Variants in BABAM2 observed in about 807,000 individuals in gnomAD.
The protein encoded by BABAM2 is BRISC and BRCA1 A complex member 2, also known as BRISC and BRCA1-A complex member 2.
In BABAM2, 31 loss-of-function variants were observed where a neutral mutation model predicts 54.7. That is an observed-to-expected ratio of 0.57 (90% confidence interval 0.43 to 0.77). The LOEUF is 0.77. Ranked by LOEUF, BABAM2 falls within the 30% of genes least tolerant of loss-of-function variation. The probability of loss-of-function intolerance (pLI) is 0.00; values close to 1 mark genes in which losing one functional copy is unlikely to be tolerated. For missense variants in BABAM2, 364 were observed against 455.8 expected (o/e 0.80, Z 1.83); for synonymous variants, 167 against 162.9 (o/e 1.03, Z -0.19).
At chr2:28,232,281 G>A (rs757652176) in intron 7 of BABAM2, among the ~76,000 whole-genome samples, 1 of 152,140 alleles carries the variant, frequency 6.6e-6, no homozygotes, top group Non-Finnish European at 1.5e-5. Context: ...AAAACCCCAC[G>A]TGGGAGGAAG....
rs78901291 is a variant in BABAM2 at position 27,931,579 on chromosome 2, G to A, written c.205+1671G>A. ...AGTTATATCACCATTATTGGTTCCTGTGTTGGTTACCCTGTAGCTTAAAAA... is the reference window on the plus strand; with the variant it reads ...AGTTATATCACCATTATTGGTTCCTATGTTGGTTACCCTGTAGCTTAAAAA... On this transcript the variant is annotated intron_variant, in intron 3 of 11. Transcript: ENST00000379624. 3.4e-3 allele frequency among the ~76,000 whole-genome samples: 517 copies of A among 152,016 alleles called. 1 individual carries two copies. The highest frequency in any genetic ancestry group is 0.016 in the East Asian group (82 of 5,172).
intron 3 of BABAM2, among the ~76,000 whole-genome samples, chr2:27,987,025 T>A (rs1672446329): frequency 6.6e-6 from 1 of 152,188 alleles, no homozygotes; most frequent in Non-Finnish European, 1.5e-5. Context: ...GTCTTATGTT[T>A]CAAAACAAAA....
chr2:28,092,874 T>C (rs181592185), intron 6 of BABAM2, among the ~76,000 whole-genome samples: 14 of 152,240 alleles, frequency 9.2e-5, no homozygotes, highest in Admixed American at 8.5e-4. Flanking sequence ...TCATGTTTTC[T>C]TTGTCTTCAT....
chr2:28,255,342 C>G (rs1683880028), intron 10 of BABAM2, among the ~76,000 whole-genome samples: 1 of 151,428 alleles, frequency 6.6e-6, no homozygotes, highest in Non-Finnish European at 1.5e-5. Context: ...GGTGCAATCT[C>G]AGCTCACTGC....
chr2:28,318,429 C>A (rs1442360805), intron 11 of BABAM2, among the ~76,000 whole-genome samples: 1 of 152,172 alleles, frequency 6.6e-6, no homozygotes, highest in Non-Finnish European at 1.5e-5. Context: ...GTCTTGGAAG[C>A]TGCAAATATT....
intron 5 of BABAM2, among the ~76,000 whole-genome samples, chr2:28,025,792 T>C (rs1336079287): frequency 6.6e-6 from 1 of 152,196 alleles, no homozygotes; most frequent in African/African-American, 2.4e-5. Context: ...ACTTCTCCAA[T>C]ATCCCAGTCA....
chr2:28,273,076 C>T (rs1390456095), intron 10 of BABAM2, among the ~76,000 whole-genome samples: 10 of 152,166 alleles, frequency 6.6e-5, no homozygotes, highest in Admixed American at 6.5e-4. Context: ...GGAGCTGATA[C>T]GACGTCCCTG....
intron 11 of BABAM2, among the ~76,000 whole-genome samples, chr2:28,320,601 AT>A (rs1427769894): frequency 6.6e-6 from 1 of 152,230 alleles, no homozygotes; most frequent in Non-Finnish European, 1.5e-5. Context: ...ATGTCCTCAC[AT>A]TTAGCTGCAG....
intron 3 of BABAM2, among the ~76,000 whole-genome samples, chr2:27,935,841 T>C (rs981810420): frequency 3.3e-5 from 5 of 152,226 alleles, no homozygotes; most frequent in Non-Finnish European, 7.3e-5. Flanking sequence ...AGCAAAGAGA[T>C]TGTGACTTGG....
Position 28,074,306 on chromosome 2 carries a change from T to C in BABAM2, c.570+28507T>C, listed in dbSNP as rs1334753986. 2.0e-5 allele frequency among the ~76,000 whole-genome samples: 3 copies of C among 152,200 alleles called. No individual in the cohort carries two copies. The East Asian group carries it at 5.8e-4, about 29-fold the overall frequency. Reference sequence around the variant, plus strand: ...TTGCTGGGGGCTATCATGTATGTTATAGAATGTTTAGCAGCATTCCTGGCA... The same window carrying C: ...TTGCTGGGGGCTATCATGTATGTTACAGAATGTTTAGCAGCATTCCTGGCA... On this transcript the variant is annotated intron_variant, in intron 6 of 11. Coordinates refer to ENST00000379624, the MANE Select transcript of BABAM2 (RefSeq NM_199191.3).
intron 7 of BABAM2, among the ~76,000 whole-genome samples, chr2:28,205,616 C>T: frequency 6.6e-6 from 1 of 152,176 alleles, no homozygotes; most frequent in Middle Eastern, 3.2e-3. Context: ...ATGTCTGATA[C>T]CAGAGCCCAC....
At chr2:28,108,401 T>G (rs1667714173) in intron 6 of BABAM2, among the ~76,000 whole-genome samples, 1 of 152,240 alleles carries the variant, frequency 6.6e-6, no homozygotes, top group Non-Finnish European at 1.5e-5. Context: ...CATTTATGCA[T>G]CGTGAAATGT....
intron 5 of BABAM2, among the ~76,000 whole-genome samples, chr2:28,029,516 G>A (rs1219933167): frequency 6.6e-6 from 1 of 152,146 alleles, no homozygotes; most frequent in Non-Finnish European, 1.5e-5. Context: ...CAATGTTGTA[G>A]CATGTGATAG....
chr2:28,321,712 G>A (rs116496525), intron 11 of BABAM2, among the ~76,000 whole-genome samples: 1 of 152,128 alleles, frequency 6.6e-6, no homozygotes, highest in South Asian at 2.1e-4. Context: ...AAGCAAACCA[G>A]CAGGGACCCA....
intron 4 of BABAM2, among the ~76,000 whole-genome samples, chr2:28,017,465 G>A (rs968286104): frequency 1.3e-5 from 2 of 152,122 alleles, no homozygotes; most frequent in East Asian, 3.8e-4. Context: ...ATTACCTAAT[G>A]CACTATTACT....
intron 3 of BABAM2, among the ~76,000 whole-genome samples, chr2:27,981,925 A>G (rs1263972694): frequency 6.6e-6 from 1 of 152,158 alleles, no homozygotes; most frequent in Non-Finnish European, 1.5e-5. Flanking sequence ...CTCTTGAGGA[A>G]CTGCCAGACT....
At chr2:27,907,532 C>T (rs1256693516) in intron 2 of BABAM2, among the ~76,000 whole-genome samples, 1 of 152,054 alleles carries the variant, frequency 6.6e-6, no homozygotes, top group African/African-American at 2.4e-5. Flanking sequence ...GTAAAATATA[C>T]ATAACATAAA....
intron 7 of BABAM2, among the ~76,000 whole-genome samples, chr2:28,207,832 T>C (rs187183131): frequency 1.5e-4 from 23 of 152,212 alleles, no homozygotes; most frequent in Admixed American, 1.4e-3. Context: ...AATACAGGTA[T>C]GTCTAGTTCA....
At chr2:28,027,618 GT>G (rs1675968899) in intron 5 of BABAM2, among the ~76,000 whole-genome samples, 1 of 152,186 alleles carries the variant, frequency 6.6e-6, no homozygotes, top group African/African-American at 2.4e-5. Flanking sequence ...GTTCATCCAT[GT>G]TGTGGCATGT....
Sources: allele counts gnomAD v4.1 joint callset (sites outside exome capture counted in the v4.1 genomes callset), GRCh38; gene constraint gnomAD v4.1.1; transcripts MANE v1.5; gene names NCBI Gene and HGNC (gene_info 2026-07-23, HGNC 2026-07-21).